MALRD1: variants seen among roughly 807,000 people sequenced by gnomAD.
MALRD1 encodes the protein MAM and LDL receptor class A domain containing 1, also known as MAM and LDL-receptor class A domain-containing protein 1.
Under a neutral mutation model 242.1 loss-of-function variants are expected in MALRD1, and 247 were observed. That is an observed-to-expected ratio of 1.02 (90% CI 0.92 to 1.13). The LOEUF (loss-of-function observed/expected upper bound fraction) is 1.13, where lower values mean the gene tolerates loss of function less well. Among genes scored for constraint, MALRD1 ranks in the 50% most tolerant of loss-of-function variants. The pLI is 0.00. For synonymous variants in MALRD1, 995 were observed against 866.6 expected (o/e 1.15, Z -2.60); for missense variants, 2,989 against 2,533.1 (o/e 1.18, Z -3.86).
intron 18 of MALRD1, among the ~76,000 whole-genome samples, chr10:19,233,051 A>G (rs1838152224): frequency 6.6e-6 from 1 of 152,180 alleles, no homozygotes; most frequent in African/African-American, 2.4e-5. Context: ...TTAGTTTTAA[A>G]ATATTTTCAT....
chr10:19,395,913 T>G (rs985847405), intron 28 of MALRD1, among the ~76,000 whole-genome samples: 5 of 152,110 alleles, frequency 3.3e-5, no homozygotes, highest in Non-Finnish European at 5.9e-5. Flanking sequence ...TCTTCTGTCT[T>G]GAAGAAAAGA....
intron 26 of MALRD1, 102 bp from the exon 27 acceptor site, chr10:19,387,426 G>T (rs761066675): frequency 3.0e-5 from 41 of 1,363,064 alleles, no homozygotes; most frequent in Non-Finnish European, 4.0e-5. Flanking sequence ...AGAACAATAT[G>T]TTCCTTTATA....
chr10:19,700,456 C>T (rs1419927184), intron 38 of MALRD1, among the ~76,000 whole-genome samples: 1 of 151,956 alleles, frequency 6.6e-6, no homozygotes, highest in Non-Finnish European at 1.5e-5. Flanking sequence ...ATGAAATTTG[C>T]CCAAGATAGA....
rs1589300814 is a variant in MALRD1, at chr10:19,607,834, C to T, written c.6002C>T (p.Pro2001Leu). The T allele has an allele frequency of 3.2e-6, 5 of 1,549,850 alleles. No individual in the cohort carries two copies. In the East Asian group the frequency reaches 1.2e-4, roughly 38 times the overall value. ...LVCASSNSCI[P>L]AHQRCDGFAD... is the part of the protein sequence containing the mutation. ...TGTGCCTCCTCCAACAGCTGTATCC[C>T]AGCCCACCAGCGCTGTGATGGTTTT... The change falls in exon 35 of 40, where the codon CCA (proline) becomes CTA (leucine). Residue 2001 changes from proline to leucine, a missense_variant. Transcript: ENST00000454679.
chr10:19,134,392 C>T (rs1833245822), intron 9 of MALRD1, among the ~76,000 whole-genome samples: 1 of 152,188 alleles, frequency 6.6e-6, no homozygotes, highest in South Asian at 2.1e-4. Flanking sequence ...AATAGGAATG[C>T]TGTCTCTTAA....
At chr10:19,299,098 T>A (rs1250711152) in intron 21 of MALRD1, among the ~76,000 whole-genome samples, 2 of 151,956 alleles carry the variant, frequency 1.3e-5, no homozygotes, top group Admixed American at 6.6e-5. Flanking sequence ...AAATAAGGAA[T>A]GCATTATTGA....
intron 36 of MALRD1, among the ~76,000 whole-genome samples, chr10:19,680,537 T>A (rs1345672710): frequency 6.6e-6 from 1 of 152,168 alleles, no homozygotes; most frequent in African/African-American, 2.4e-5. Context: ...TATCTTTCGA[T>A]GTGAGATGGA....
rs545195415 is a variant in MALRD1 at position 19,238,759 on chromosome 10, GT to G, written c.2992-18917del. The stretch of plus-strand genomic sequence containing the variant: ...TGCTGGGTTATGTGATCGAATGATT[GT>G]TTTTTTTGTTTTTTTTTAAATTTTT... On this transcript the variant is annotated intron_variant, in intron 18 of 39. Coordinates refer to ENST00000454679, the MANE Select transcript of MALRD1 (RefSeq NM_001142308.3). 7.4e-5 allele frequency among the ~76,000 whole-genome samples: 11 copies of G among 148,596 alleles called. No individual in the cohort carries two copies. In the East Asian group the frequency reaches 1.4e-3, roughly 19 times the overall value.
intron 35 of MALRD1, among the ~76,000 whole-genome samples, chr10:19,614,311 A>G (rs753472135): frequency 1.3e-5 from 2 of 151,994 alleles, no homozygotes; most frequent in African/African-American, 2.4e-5. Context: ...TAAGATGTCT[A>G]TGTTATCATT....
intron 11 of MALRD1, among the ~76,000 whole-genome samples, chr10:19,150,531 G>T (rs1157161058): frequency 6.6e-6 from 1 of 152,064 alleles, no homozygotes; most frequent in Non-Finnish European, 1.5e-5. Flanking sequence ...GTTTCAACTT[G>T]AGGAGACTAC....
At chr10:19,255,576 TTAAA>T (rs1172790169) in intron 18 of MALRD1, among the ~76,000 whole-genome samples, 3 of 152,100 alleles carry the variant, frequency 2.0e-5, no homozygotes, top group Non-Finnish European at 2.9e-5. Context: ...AATGCTTTTC[TTAAA>T]TATTCAAAAG....
At chr10:19,492,389 T>G (rs563900007) in intron 30 of MALRD1, among the ~76,000 whole-genome samples, 1 of 152,334 alleles carries the variant, frequency 6.6e-6, no homozygotes, top group African/African-American at 2.4e-5. Context: ...TGTTACATTT[T>G]GCTCACAATT....
At chr10:19,636,587 A>G (rs780298380) in intron 36 of MALRD1, among the ~76,000 whole-genome samples, 6 of 152,168 alleles carry the variant, frequency 3.9e-5, no homozygotes, top group Non-Finnish European at 5.9e-5. Context: ...ATACATTTCT[A>G]GGGTTGAAAT....
chr10:19,495,682 A>G (rs530176850), intron 30 of MALRD1, among the ~76,000 whole-genome samples: 17 of 152,308 alleles, frequency 1.1e-4, no homozygotes, highest in African/African-American at 3.6e-4. Context: ...CTGCATGACA[A>G]CCAGCTAATG....
chr10:19,565,643 A>G (rs1836217546), intron 32 of MALRD1, among the ~76,000 whole-genome samples: 1 of 152,178 alleles, frequency 6.6e-6, no homozygotes, highest in Admixed American at 6.5e-5. Flanking sequence ...TTGTAAACCA[A>G]GTATCCACCA....
intron 14 of MALRD1, among the ~76,000 whole-genome samples, chr10:19,186,323 G>T (rs998874404): frequency 6.6e-6 from 1 of 152,120 alleles, no homozygotes; most frequent in Non-Finnish European, 1.5e-5. Flanking sequence ...TTCTGGTGAA[G>T]GCTCATCATT....
chr10:19,281,020 T>C (rs1347675565), intron 20 of MALRD1, among the ~76,000 whole-genome samples: 1 of 152,234 alleles, frequency 6.6e-6, no homozygotes, highest in East Asian at 1.9e-4. Flanking sequence ...ACCCTTGTTT[T>C]ATGTCAACCT....
chr10:19,573,463 G>A (rs532536507), intron 33 of MALRD1, among the ~76,000 whole-genome samples: 4 of 152,314 alleles, frequency 2.6e-5, no homozygotes, highest in Non-Finnish European at 5.9e-5. Context: ...GCAGAGACAT[G>A]AGGAAATAAA....
intron 31 of MALRD1, among the ~76,000 whole-genome samples, chr10:19,525,951 T>C (rs1249593046): frequency 6.6e-6 from 1 of 152,158 alleles, no homozygotes; most frequent in African/African-American, 2.4e-5. Context: ...CTTCTATAAA[T>C]AGCTGTTCTG....
Sources: allele counts gnomAD v4.1 joint callset (sites outside exome capture counted in the v4.1 genomes callset), GRCh38; gene constraint gnomAD v4.1.1; transcripts MANE v1.5; gene names NCBI Gene and HGNC (gene_info 2026-07-23, HGNC 2026-07-21).